TLN2: variants seen among roughly 807,000 people sequenced by gnomAD.
TLN2 encodes talin-2.
Under a neutral mutation model 294.7 loss-of-function variants are expected in TLN2, and 118 were observed. The observed-to-expected ratio is 0.40, with a 90% CI of 0.34 to 0.47. The LOEUF (loss-of-function observed/expected upper bound fraction) is 0.47, where lower values mean the gene tolerates loss of function less well. Ranked by LOEUF, TLN2 falls within the 20% of genes least tolerant of loss-of-function variation. The probability of loss-of-function intolerance (pLI) is 0.84; values close to 1 mark genes in which losing one functional copy is unlikely to be tolerated. For synonymous variants in TLN2, 1,431 were observed against 1,304.5 expected, an observed-to-expected ratio of 1.10 and a Z score of -2.09; for missense variants, 3,083 against 3,282.2, an observed-to-expected ratio of 0.94 and a Z score of 1.48.
At chr15:62,722,594 T>C in intron 26 of TLN2, 107 bp downstream of exon 26, 8 of 1,347,110 alleles carry the variant, frequency 5.9e-6, no homozygotes, top group Non-Finnish European at 6.8e-6. Context: ...GGCAAAGTTG[T>C]CCATTCTACT....
intron 13 of TLN2, 113 bp from the exon 14 acceptor site, chr15:62,694,203 C>G (rs2141072814): frequency 1.2e-6 from 1 of 824,354 alleles, no homozygotes; most frequent in East Asian, 2.6e-5. Flanking sequence ...TCTCGAACTC[C>G]TGACCTCAAG....
At chr15:62,422,694 G>A (rs914522449) in intron 1 of TLN2, among the ~76,000 whole-genome samples, 1 of 152,092 alleles carries the variant, frequency 6.6e-6, no homozygotes, top group African/African-American at 2.4e-5. Context: ...CCACAGGAAG[G>A]CTCCAGAACC....
chr15:62,835,644 C>A, intron 55 of TLN2, 93 bp from the exon 56 acceptor site: 1 of 1,422,730 alleles, frequency 7.0e-7, no homozygotes, highest in South Asian at 1.2e-5. Flanking sequence ...AAGCGGGGTA[C>A]AAGTCTGGTT....
intron 42 of TLN2, among the ~76,000 whole-genome samples, chr15:62,771,864 G>A (rs1191935649): frequency 6.6e-6 from 1 of 152,196 alleles, no homozygotes; most frequent in African/African-American, 2.4e-5. Context: ...GTAGTGGGGA[G>A]CCATTGGCAG....
At chr15:62,628,517 G>T (rs2140879817) in intron 3 of TLN2, among the ~76,000 whole-genome samples, 1 of 152,320 alleles carries the variant, frequency 6.6e-6, no homozygotes, top group Non-Finnish European at 1.5e-5. Flanking sequence ...GAGATTATAT[G>T]CTTTTTCTAA....
At chr15:62,640,566 T>C (rs905631565) in intron 3 of TLN2, among the ~76,000 whole-genome samples, 9 of 151,992 alleles carry the variant, frequency 5.9e-5, no homozygotes, top group Non-Finnish European at 1.2e-4. Context: ...GGGTGGAAGC[T>C]GATAGTAATG....
intron 3 of TLN2, among the ~76,000 whole-genome samples, chr15:62,629,872 T>A (rs1360011257): frequency 1.3e-5 from 2 of 152,186 alleles, no homozygotes; most frequent in Non-Finnish European, 2.9e-5. Context: ...CCTAATACAT[T>A]GAAGCTTTGT....
At chr15:62,818,792 G>T (rs756876878) in intron 52 of TLN2, among the ~76,000 whole-genome samples, 1 of 151,574 alleles carries the variant, frequency 6.6e-6, no homozygotes, top group Non-Finnish European at 1.5e-5. Flanking sequence ...GTACTGATTG[G>T]CCCATAGCTT....
chr15:62,693,827 C>A, intron 13 of TLN2, among the ~76,000 whole-genome samples: 1 of 151,808 alleles, frequency 6.6e-6, no homozygotes, highest in East Asian at 1.9e-4. Context: ...TATTATTATG[C>A]TTTTGTTCAT....
At chr15:62,557,372 T>G (rs2042665101) in intron 1 of TLN2, among the ~76,000 whole-genome samples, 1 of 152,154 alleles carries the variant, frequency 6.6e-6, no homozygotes, top group South Asian at 2.1e-4. Context: ...AATTTAGAGA[T>G]GTCACGTACC....
chr15:62,563,238 C>G (rs963287294), intron 1 of TLN2, among the ~76,000 whole-genome samples: 3 of 151,840 alleles, frequency 2.0e-5, no homozygotes, highest in Non-Finnish European at 4.4e-5. Flanking sequence ...CCCTGTTCAC[C>G]GCATCCACAC....
At position 62,843,299 on chromosome 15, in the gene TLN2, T is replaced by C. The variant is rs1381464348; in HGVS notation, c.*2689T>C. 1 of 152,248 alleles carries C rather than the reference T, an allele frequency of 6.6e-6. No homozygotes were observed. Among genetic ancestry groups the C allele is most frequent in the African/African-American group, 2.4e-5 (1 of 41,466 alleles). The allele number at this position is 152,248 out of a possible 1,614,324, so 9.4% of individuals were successfully genotyped here. A position where few individuals can be genotyped will look rare whatever the true frequency, so the allele number is the denominator to read the frequency against. On this transcript the variant is annotated 3_prime_UTR_variant, in exon 59 of 59. Coordinates refer to ENST00000636159, the MANE Select transcript of TLN2 (RefSeq NM_015059.3). ...GGCCAAAAGGGGAACCTGAACTGGA[T>C]TTCAGAACTGCCCAGTGATTTGAAA...
chr15:62,598,038 T>C (rs773601415), intron 2 of TLN2, among the ~76,000 whole-genome samples: 35 of 152,172 alleles, frequency 2.3e-4, no homozygotes, highest in Admixed American at 5.9e-4. Context: ...GGCTGTCGTG[T>C]GTTGGATGGG....
At chr15:62,657,698 T>C (rs1192901689) in intron 8 of TLN2, 73 bp from the exon 9 acceptor site, 1 of 1,555,990 alleles carries the variant, frequency 6.4e-7, no homozygotes, top group African/African-American at 1.4e-5. Context: ...TACTGGGCCA[T>C]GGGAATGCGT....
Position 62,656,077 on chromosome 15 carries a change from T to G in TLN2, c.651T>G (p.Leu217=). The change falls in exon 8 of 59, where the codon CTT becomes CTG. Residue 217 remains leucine (L), a synonymous_variant. Transcript: ENST00000636159. ...DSRDPVQLNL[L]YVQARDDILN... ...GAGACCCCGTGCAGCTGAACTTGCT[T>G]TATGTTCAGGTACAGTATTTACTGC... is the stretch of plus-strand genomic sequence containing the variant. 6.2e-7 allele frequency: 1 copy of G among 1,614,160 alleles called. No homozygotes were observed.
At chr15:62,423,383 A>C (rs2034524895) in intron 1 of TLN2, among the ~76,000 whole-genome samples, 1 of 152,096 alleles carries the variant, frequency 6.6e-6, no homozygotes, top group Non-Finnish European at 1.5e-5. Flanking sequence ...AAAACAAAAC[A>C]AAACAAAACA....
At chr15:62,486,208 T>C (rs1248453898) in intron 1 of TLN2, among the ~76,000 whole-genome samples, 1 of 152,210 alleles carries the variant, frequency 6.6e-6, no homozygotes, top group African/African-American at 2.4e-5. Flanking sequence ...TTTTCTTCTT[T>C]TTCTTTTTTG....
chr15:62,516,268 T>C lies in TLN2; in HGVS notation c.-237-73419T>C, dbSNP rs73427789. Among the ~76,000 whole-genome samples the C allele has an allele frequency of 6.7e-3, 1,021 of 152,334 alleles. 8 individuals are homozygous for C. The highest frequency in any genetic ancestry group is 0.023 in the African/African-American group (973 of 41,578). On this transcript the variant is annotated intron_variant, in intron 1 of 58. Transcript: ENST00000636159. ...CACAATTTATTATAGTTTTTGGCAA[T>C]AAGAGCTTCTAAATTAGGTCCAGAA...
chr15:62,726,799 G>C (rs2060465828), intron 27 of TLN2, among the ~76,000 whole-genome samples: 1 of 152,136 alleles, frequency 6.6e-6, no homozygotes, highest in East Asian at 1.9e-4. Flanking sequence ...CTGAGCCTAG[G>C]TATTATGATC....
Sources: allele counts gnomAD v4.1 joint callset (sites outside exome capture counted in the v4.1 genomes callset), GRCh38; gene constraint gnomAD v4.1.1; transcripts MANE v1.5; gene names NCBI Gene and HGNC (gene_info 2026-07-23, HGNC 2026-07-21).